TCF12: variants seen among roughly 807,000 people sequenced by gnomAD.
The protein encoded by TCF12 is DNA-binding protein HTF4.
In TCF12, 45 loss-of-function variants were observed where a neutral mutation model predicts 86.0. The ratio of observed to expected loss-of-function variants is 0.52; its 90% CI spans 0.41 to 0.67. The LOEUF (loss-of-function observed/expected upper bound fraction) is 0.67. TCF12 is among the 30% of genes least tolerant of loss of function. TCF12 has a pLI of 0.00. For synonymous variants in TCF12, 330 were observed against 299.6 expected, an observed-to-expected ratio of 1.10 and a Z score of -1.05; for missense variants, 881 against 859.9, an observed-to-expected ratio of 1.02 and a Z score of -0.31.
chr15:57,114,970 A>G (rs1411647731), intron 5 of TCF12, among the ~76,000 whole-genome samples: 1 of 152,062 alleles, frequency 6.6e-6, no homozygotes, highest in Non-Finnish European at 1.5e-5. Context: ...AACAGTAAGC[A>G]TGTTTATTTT....
In TCF12 at chr15:57,175,928, T is replaced by C. The variant is rs183354998; in HGVS notation, c.390+9462T>C. 2.6e-5 allele frequency among the ~76,000 whole-genome samples: 4 copies of C among 151,350 alleles called. No homozygotes were observed. The East Asian group carries it at 7.7e-4, about 29-fold the overall frequency. On this transcript the variant is annotated intron_variant, in intron 6 of 20. Transcript: ENST00000333725. ...TTGAGCTGTTAATGGCGTAGAACAT[T>C]AAACCTTGGTAGATAAATGCCTTTC...
At chr15:57,035,723 C>T (rs2066466360) in intron 3 of TCF12, among the ~76,000 whole-genome samples, 2 of 152,004 alleles carry the variant, frequency 1.3e-5, no homozygotes, top group Admixed American at 1.3e-4. Context: ...CCTGGCCTGT[C>T]AGGATTAGAA....
intron 19 of TCF12, chr15:57,281,733 C>A (rs571936742): frequency 2.0e-5 from 3 of 152,664 alleles, no homozygotes; most frequent in African/African-American, 7.2e-5. Flanking sequence ...TGTCCCATCA[C>A]CCCCAGATGG....
intron 3 of TCF12, among the ~76,000 whole-genome samples, chr15:57,039,286 T>C (rs2141429957): frequency 6.6e-6 from 1 of 152,262 alleles, no homozygotes; most frequent in African/African-American, 2.4e-5. Context: ...TAAATAGACA[T>C]GGGTTGTTTT....
At chr15:57,046,652 C>T (rs1375330077) in intron 3 of TCF12, among the ~76,000 whole-genome samples, 1 of 152,088 alleles carries the variant, frequency 6.6e-6, no homozygotes, top group African/African-American at 2.4e-5. Context: ...AGATGGGTTT[C>T]ACCATGTTGG....
intron 3 of TCF12, among the ~76,000 whole-genome samples, chr15:56,984,364 G>C (rs1288326351): frequency 6.7e-6 from 1 of 150,002 alleles, no homozygotes; most frequent in Non-Finnish European, 1.5e-5. Context: ...TGTTAGCATT[G>C]TTTCATCCTT....
chr15:56,955,291 T>G (rs1172080185), intron 3 of TCF12, among the ~76,000 whole-genome samples: 1 of 152,034 alleles, frequency 6.6e-6, no homozygotes, highest in African/African-American at 2.4e-5. Context: ...CTCAGCAAAC[T>G]GTCACAAGAA....
Position 57,251,414 on chromosome 15 carries a change from C to T in TCF12, c.1179C>T (p.Leu393=), listed in dbSNP as rs765049366. 1.9e-6 allele frequency: 3 copies of T among 1,613,764 alleles called. No individual in the cohort carries two copies. Among genetic ancestry groups the T allele is most frequent in the South Asian group, 1.1e-5 (1 of 91,078 alleles). The change falls in exon 14 of 21, where the codon CTC becomes CTT. Residue 393 remains leucine, a synonymous_variant. Coordinates refer to ENST00000333725, the MANE Select transcript of TCF12 (RefSeq NM_207037.2). ...APSSPSYENS[L]HSLKNRVEQQ... ...CATCCCCAAGCTATGAAAACTCACT[C>T]CACTCCCTGGTAAGAGCCTCTTATA...
rs143706049 is a variant in TCF12, at chr15:56,938,691, C to T, written c.148+17593C>T. ...AATTTTTTTATTACCATTTCAGTGT[C>T]GCTGCTTGTTTCTTTGATTAGGGCC... On this transcript the variant is annotated intron_variant, in intron 3 of 20. Transcript: ENST00000333725. Among the ~76,000 whole-genome samples, 769 of 139,880 alleles carry T rather than the reference C, an allele frequency of 5.5e-3. 5 individuals are homozygous for T. The highest frequency in any genetic ancestry group is 0.02 in the Middle Eastern group (5 of 252). The allele number at this position is 139,880 out of a possible 152,430, so 91.8% of individuals were successfully genotyped here. A position where few individuals can be genotyped will look rare whatever the true frequency, so the allele number is the denominator to read the frequency against.
intron 3 of TCF12, among the ~76,000 whole-genome samples, chr15:56,995,969 A>G (rs2063693472): frequency 6.6e-6 from 1 of 152,094 alleles, no homozygotes; most frequent in African/African-American, 2.4e-5. Context: ...TTCAAGGCCT[A>G]GTTTGTTGAG....
chr15:57,026,921 T>C (rs1396477106), intron 3 of TCF12, among the ~76,000 whole-genome samples: 2 of 152,202 alleles, frequency 1.3e-5, no homozygotes, highest in African/African-American at 4.8e-5. Flanking sequence ...TAATACCTAA[T>C]ACCATGTAGA....
chr15:56,977,378 T>G (rs1300157143), intron 3 of TCF12, among the ~76,000 whole-genome samples: 1 of 152,012 alleles, frequency 6.6e-6, no homozygotes, highest in Non-Finnish European at 1.5e-5. Flanking sequence ...ACTAAAAATA[T>G]AACAAGTAGC....
chr15:57,009,071 CCTT>C (rs2064659234), intron 3 of TCF12, among the ~76,000 whole-genome samples: 1 of 152,110 alleles, frequency 6.6e-6, no homozygotes, highest in Non-Finnish European at 1.5e-5. Context: ...CCCAGTCAAA[CCTT>C]CTTTTCAATA....
At chr15:57,114,278 A>G (rs1011484223) in intron 5 of TCF12, among the ~76,000 whole-genome samples, 4 of 152,120 alleles carry the variant, frequency 2.6e-5, no homozygotes, top group Non-Finnish European at 4.4e-5. Context: ...AGAAGAAACT[A>G]TAGGCATTTA....
chr15:57,212,030 T>C (rs2058132340), intron 8 of TCF12, among the ~76,000 whole-genome samples: 2 of 151,304 alleles, frequency 1.3e-5, no homozygotes, highest in Non-Finnish European at 2.9e-5. Flanking sequence ...TGTGGACACC[T>C]GGTATCATCT....
chr15:57,240,306 C>T (rs1217529383), intron 12 of TCF12, among the ~76,000 whole-genome samples: 1 of 152,070 alleles, frequency 6.6e-6, no homozygotes, highest in Non-Finnish European at 1.5e-5. Context: ...AAACAGGTAA[C>T]AGACAAATGT....
rs2053215943 is a variant in TCF12 at position 57,144,457 on chromosome 15, A to G, written c.326-21945A>G. On this transcript the variant is annotated intron_variant, in intron 5 of 20. Coordinates refer to ENST00000333725, the MANE Select transcript of TCF12 (RefSeq NM_207037.2). ...TTTAATGTAAATGCTTTTAATGTAA[A>G]CAAGTAGCATTTAATTACATAAATT... Among the ~76,000 whole-genome samples the G allele has an allele frequency of 1.3e-5, 2 of 152,216 alleles. 1 individual carries two copies. Among genetic ancestry groups the G allele is most frequent in the South Asian group, 4.1e-4 (2 of 4,830 alleles).
chr15:57,128,082 G>A (rs936851113), intron 5 of TCF12, among the ~76,000 whole-genome samples: 20 of 152,094 alleles, frequency 1.3e-4, no homozygotes, highest in Non-Finnish European at 7.4e-5. Context: ...TTGGAGTTCT[G>A]TGCAGTTGTA....
intron 4 of TCF12, among the ~76,000 whole-genome samples, chr15:57,087,144 A>C (rs1042241166): frequency 6.6e-6 from 1 of 150,696 alleles, no homozygotes; most frequent in Admixed American, 6.6e-5. Flanking sequence ...CCTTGGATAC[A>C]ACAAAATATT....
Sources: gnomAD v4.1 joint callset for allele counts (sites outside exome capture counted in the v4.1 genomes callset) on GRCh38, gnomAD v4.1.1 for gene constraint, MANE v1.5 for transcripts, NCBI Gene and HGNC (gene_info 2026-07-23, HGNC 2026-07-21) for gene names.